The following IL1R1 variants were observed in gnomAD, a reference collection of about 807,000 sequenced individuals.
IL1R1 encodes interleukin-1 receptor type 1.
In IL1R1, 22 loss-of-function variants were observed where a neutral mutation model predicts 50.2. The observed-to-expected ratio is 0.44, with a 90% CI of 0.31 to 0.63. The LOEUF (loss-of-function observed/expected upper bound fraction) is 0.63, where lower values mean the gene tolerates loss of function less well. Among genes scored for constraint, IL1R1 ranks in the 20% least tolerant of loss-of-function variants. The pLI, the probability that IL1R1 is intolerant of heterozygous loss-of-function variation, is 0.07. For missense variants in IL1R1, 509 were observed against 676.2 expected, an observed-to-expected ratio of 0.75 and a Z score of 2.74; for synonymous variants, 251 against 236.7, an observed-to-expected ratio of 1.06 and a Z score of -0.55.
chr2:102,159,562 G>A (rs1684513105), intron 3 of IL1R1, among the ~76,000 whole-genome samples: 1 of 152,196 alleles, frequency 6.6e-6, no homozygotes, highest in Admixed American at 6.5e-5. Flanking sequence ...AAGCCCTCTG[G>A]AGGTTATGGC....
chr2:102,116,485 AG>A (rs1349051191), intron 1 of IL1R1, among the ~76,000 whole-genome samples: 3 of 152,214 alleles, frequency 2.0e-5, no homozygotes, highest in Non-Finnish European at 4.4e-5. Context: ...TTCTGCAAAT[AG>A]CATTTCTGGA....
At chr2:102,079,188 T>C (rs1679104682) in intron 1 of IL1R1, among the ~76,000 whole-genome samples, 1 of 152,172 alleles carries the variant, frequency 6.6e-6, no homozygotes, top group African/African-American at 2.4e-5. Context: ...ACCAGTAGCT[T>C]TCCCTCTGTG....
intron 1 of IL1R1, among the ~76,000 whole-genome samples, chr2:102,091,131 C>G (rs926376809): frequency 5.3e-5 from 8 of 152,172 alleles, no homozygotes; most frequent in Non-Finnish European, 7.4e-5. Context: ...GATATACCCT[C>G]CAGAGATTCA....
Position 102,176,374 on chromosome 2 carries a change from A to AAAAC in IL1R1, c.1326_1329dup (p.Val444LysfsTer27). 1 of 1,613,970 alleles carries AAAAC rather than the reference A, an allele frequency of 6.2e-7. No individual in the cohort carries two copies. Among genetic ancestry groups the AAAAC allele is most frequent in the Non-Finnish European group, 8.5e-7 (1 of 1,179,950 alleles). Reference sequence around the variant, plus strand: ...TCAGACATTGTTGAGGTCATTAATGAAAACGTAAAGAAAAGCAGAAGACTG... The same window carrying AAAAC: ...TCAGACATTGTTGAGGTCATTAATGAAAACAAACGTAAAGAAAAGCAGAAGACTG... On this transcript the variant is annotated frameshift_variant, in exon 12 of 12. Transcript: ENST00000410023. LOFTEE classifies it low-confidence loss of function (END_TRUNC).
rs1419566594 is a variant in IL1R1 at position 102,177,117 on chromosome 2, T to G, written c.*358T>G. ...CCCATCTCTACTAAAAATACAAAAATGAGCTAGGCATGGTGGCACACGCCT... is the reference window on the plus strand; with the variant it reads ...CCCATCTCTACTAAAAATACAAAAAGGAGCTAGGCATGGTGGCACACGCCT... On this transcript the variant is annotated 3_prime_UTR_variant, in exon 12 of 12. Transcript: ENST00000410023. The G allele has an allele frequency of 4.5e-6, 1 of 223,038 alleles. No individual in the cohort carries two copies. The highest frequency in any genetic ancestry group is 9.1e-6 in the Non-Finnish European group (1 of 109,346). 13.8% of individuals were successfully genotyped at this position (223,038 alleles called of 1,614,324 possible). A position where few individuals can be genotyped will look rare whatever the true frequency, so the allele number is the denominator to read the frequency against.
intron 1 of IL1R1, among the ~76,000 whole-genome samples, chr2:102,083,475 T>C (rs1679305029): frequency 6.6e-6 from 1 of 152,190 alleles, no homozygotes; most frequent in South Asian, 2.1e-4. Context: ...CTGGAATGTC[T>C]GAGTGGTCAA....
chr2:102,083,155 C>T (rs1046393017), intron 1 of IL1R1, among the ~76,000 whole-genome samples: 3 of 152,132 alleles, frequency 2.0e-5, no homozygotes, highest in Non-Finnish European at 4.4e-5. Flanking sequence ...GACACTTAGT[C>T]CTACTCTAAA....
chr2:102,166,420 T>G (rs1192787256), intron 6 of IL1R1, 139 bp downstream of exon 6: 1 of 541,768 alleles, frequency 1.8e-6, no homozygotes, highest in African/African-American at 1.9e-5. Flanking sequence ...ATGGCTTTAG[T>G]TTTGTTTTTT....
intron 1 of IL1R1, among the ~76,000 whole-genome samples, chr2:102,113,565 G>A (rs1319286538): frequency 6.6e-6 from 1 of 152,226 alleles, no homozygotes; most frequent in Non-Finnish European, 1.5e-5. Context: ...GTTAGTGAGA[G>A]GGTAGAACTT....
Position 102,175,665 on chromosome 2 carries a change from G to T in IL1R1, c.1303+20G>T. ...GGGAAGGTATGTGTGTAATGGAACAGAGTAAAGGCTTATTGTTGTAAAACT... is the reference window on the plus strand; with the variant it reads ...GGGAAGGTATGTGTGTAATGGAACATAGTAAAGGCTTATTGTTGTAAAACT... On this transcript the variant is annotated intron_variant, in intron 11 of 11. Transcript: ENST00000410023. 1 of 1,609,952 alleles carries T rather than the reference G, an allele frequency of 6.2e-7. No individual in the cohort carries two copies. Among genetic ancestry groups the T allele is most frequent in the Non-Finnish European group, 8.5e-7 (1 of 1,176,254 alleles).
intron 1 of IL1R1, among the ~76,000 whole-genome samples, chr2:102,130,199 T>C (rs1681954837): frequency 6.6e-6 from 1 of 152,192 alleles, no homozygotes; most frequent in African/African-American, 2.4e-5. Flanking sequence ...ACACATACCA[T>C]GTTTGAATTA....
At chr2:102,099,763 G>T (rs888623905), upstream of IL1R1, among the ~76,000 whole-genome samples, 2 of 152,114 alleles carry the variant, frequency 1.3e-5, no homozygotes, top group African/African-American at 4.8e-5. Context: ...GCATTTGTTT[G>T]GTTTTGTTTT....
chr2:102,093,489 C>A (rs867938903), intron 1 of IL1R1, among the ~76,000 whole-genome samples: 1 of 152,306 alleles, frequency 6.6e-6, no homozygotes. Context: ...TCATCCACAT[C>A]CTCCCTTGCA....
At chr2:102,090,901 G>A (rs1233149157) in intron 1 of IL1R1, among the ~76,000 whole-genome samples, 1 of 152,080 alleles carries the variant, frequency 6.6e-6, no homozygotes, top group Non-Finnish European at 1.5e-5. Flanking sequence ...GACAATAGAG[G>A]CTTCGGCTAA....
upstream of IL1R1, among the ~76,000 whole-genome samples, chr2:102,099,911 G>A (rs911765433): frequency 1.3e-4 from 20 of 152,234 alleles, no homozygotes; most frequent in Admixed American, 4.6e-4. Context: ...TCTTAATGGC[G>A]TCTTTTGGGA....
chr2:102,166,080 TG>T (rs753624003), intron 5 of IL1R1, 32 bp from the exon 6 acceptor site: 2 of 1,585,198 alleles, frequency 1.3e-6, no homozygotes, highest in Non-Finnish European at 1.7e-6. Flanking sequence ...TATTGGTTAT[TG>T]GTTTTCAATG....
At chr2:102,147,231 G>C (rs896451857) in intron 1 of IL1R1, among the ~76,000 whole-genome samples, 1 of 152,138 alleles carries the variant, frequency 6.6e-6, no homozygotes, top group African/African-American at 2.4e-5. Flanking sequence ...TAAGTTTTGT[G>C]TGTTTCACCA....
upstream of IL1R1, among the ~76,000 whole-genome samples, chr2:102,138,559 C>T (rs949102294): frequency 2.6e-5 from 4 of 151,982 alleles, no homozygotes; most frequent in South Asian, 2.1e-4. Flanking sequence ...GGAATTTGAA[C>T]GGAAAGATAA....
exon 1 of IL1R1, chr2:102,104,716 T>A (rs1456667154): frequency 2.6e-5 from 4 of 152,314 alleles, no homozygotes. Context: ...CAACTCTAGC[T>A]AGGGCTGACT....
Sources: gnomAD v4.1 joint callset for allele counts (sites outside exome capture counted in the v4.1 genomes callset) on GRCh38, gnomAD v4.1.1 for gene constraint, MANE v1.5 for transcripts, NCBI Gene and HGNC (gene_info 2026-07-23, HGNC 2026-07-21) for gene names.